The following EPC2 variants were observed in gnomAD, a reference collection of about 807,000 sequenced individuals.
EPC2 encodes the protein enhancer of polycomb 2.
EPC2 carries 14 observed loss-of-function variants against 92.1 expected under a neutral mutation model. The observed-to-expected ratio is 0.15, with a 90% CI of 0.10 to 0.24. The LOEUF (loss-of-function observed/expected upper bound fraction) is 0.24, where lower values mean the gene tolerates loss of function less well. Ranked by LOEUF, EPC2 falls within the 10% of genes least tolerant of loss-of-function variation. EPC2 has a pLI of 1.00. For missense variants in EPC2, 755 were observed against 971.5 expected, an observed-to-expected ratio of 0.78 and a Z score of 2.96; for synonymous variants, 340 against 334.7, an observed-to-expected ratio of 1.02 and a Z score of -0.17.
At chr2:148,746,367 C>T (rs1317144555) in intron 3 of EPC2, among the ~76,000 whole-genome samples, 2 of 151,994 alleles carry the variant, frequency 1.3e-5, no homozygotes, top group Non-Finnish European at 2.9e-5. Flanking sequence ...TAATCCTTAT[C>T]TCTTCAGTAA....
At chr2:148,718,053 A>T (rs1184560388) in intron 2 of EPC2, among the ~76,000 whole-genome samples, 3 of 152,212 alleles carry the variant, frequency 2.0e-5, no homozygotes, top group African/African-American at 7.2e-5. Context: ...ATCAGAAACT[A>T]GGATTGCAAC....
chr2:148,707,916 C>A (rs1004104780), intron 2 of EPC2, among the ~76,000 whole-genome samples: 2 of 151,970 alleles, frequency 1.3e-5, no homozygotes, highest in Admixed American at 6.6e-5. Flanking sequence ...AAATTGACAC[C>A]CTAACATCAC....
chr2:148,751,892 GCAGTGAA>G (rs1254026337), intron 3 of EPC2, among the ~76,000 whole-genome samples: 5 of 152,094 alleles, frequency 3.3e-5, no homozygotes, highest in African/African-American at 1.2e-4. Flanking sequence ...ACAACATACA[GCAGTGAA>G]CTGAAAAATT....
intron 1 of EPC2, among the ~76,000 whole-genome samples, chr2:148,669,424 C>T (rs577905275): frequency 8.5e-4 from 129 of 152,260 alleles, no homozygotes; most frequent in African/African-American, 3.1e-3. Flanking sequence ...CACTTGTAAT[C>T]CCAGCACTTT....
chr2:148,772,854 C>G (rs1683553746), intron 10 of EPC2, among the ~76,000 whole-genome samples: 1 of 152,006 alleles, frequency 6.6e-6, no homozygotes, highest in African/African-American at 2.4e-5. Context: ...AGACAAAGTT[C>G]CAATTTATTT....
chr2:148,774,956 G>T (rs1683598391), intron 10 of EPC2, among the ~76,000 whole-genome samples: 1 of 151,828 alleles, frequency 6.6e-6, no homozygotes, highest in Non-Finnish European at 1.5e-5. Flanking sequence ...AGGCGTGGTG[G>T]TGGGCGCCTG....
intron 2 of EPC2, among the ~76,000 whole-genome samples, chr2:148,712,933 AC>A (rs1358416153): frequency 6.0e-5 from 9 of 151,152 alleles, no homozygotes; most frequent in Admixed American, 5.9e-4. Flanking sequence ...ATGGTGGCTC[AC>A]ACCGGTAATC....
intron 1 of EPC2, among the ~76,000 whole-genome samples, chr2:148,676,119 ATTAC>A (rs1366472380): frequency 1.4e-5 from 2 of 146,834 alleles, no homozygotes; most frequent in Non-Finnish European, 3.0e-5. Context: ...AAAGTCATGA[ATTAC>A]TTAGTTTTTT....
chr2:148,765,197 G>T, intron 7 of EPC2, 51 bp downstream of exon 7: 2 of 1,298,630 alleles, frequency 1.5e-6, no homozygotes, highest in Non-Finnish European at 2.1e-6. Flanking sequence ...ATTTTATATT[G>T]CTATATTTTT....
intron 2 of EPC2, among the ~76,000 whole-genome samples, chr2:148,735,322 CTT>C (rs1682728942): frequency 6.6e-6 from 1 of 151,944 alleles, no homozygotes. Flanking sequence ...TACTGTGAAA[CTT>C]TACAATTTTT....
intron 1 of EPC2, among the ~76,000 whole-genome samples, chr2:148,684,733 G>T (rs991085867): frequency 6.6e-6 from 1 of 152,144 alleles, no homozygotes; most frequent in Admixed American, 6.5e-5. Context: ...ACATACCTGC[G>T]TGAGGTTTTC....
intron 1 of EPC2, among the ~76,000 whole-genome samples, chr2:148,676,115 A>C (rs114430781): frequency 0.012 from 1,843 of 149,544 alleles, 27 homozygotes; most frequent in Non-Finnish European, 0.016. Flanking sequence ...ACTAAAAGTC[A>C]TGAATTACTT....
chr2:148,775,804 G>C (rs1406157640), intron 10 of EPC2, among the ~76,000 whole-genome samples: 107 of 103,786 alleles, frequency 1.0e-3, no homozygotes, highest in African/African-American at 3.8e-3. Context: ...TTGAGATGGA[G>C]TCTCACTCTG....
chr2:148,785,964 G>A (rs1028283012), intron 13 of EPC2, among the ~76,000 whole-genome samples: 1 of 151,638 alleles, frequency 6.6e-6, no homozygotes, highest in Non-Finnish European at 1.5e-5. Context: ...CTTTTTGAGT[G>A]TCATATGCTT....
chr2:148,758,599 T>C (rs1203075275), intron 4 of EPC2, among the ~76,000 whole-genome samples: 1 of 152,112 alleles, frequency 6.6e-6, no homozygotes, highest in African/African-American at 2.4e-5. Context: ...TTTCACTATG[T>C]TGGCCAGGCT....
intron 1 of EPC2, among the ~76,000 whole-genome samples, chr2:148,666,534 A>G (rs1200842800): frequency 6.6e-6 from 1 of 152,248 alleles, no homozygotes; most frequent in Non-Finnish European, 1.5e-5. Flanking sequence ...AAGATATAGA[A>G]AATACAAGTT....
At position 148,761,924 on chromosome 2, in the gene EPC2, A is replaced by C; in HGVS notation, c.809A>C (p.Glu270Ala). The change falls in exon 5 of 14, where the codon GAG becomes GCG. Residue 270 changes from glutamate to alanine, a missense_variant. Physicochemically the swap from Glu to Ala is moderately radical, Grantham distance 107. Coordinates refer to ENST00000258484, the MANE Select transcript of EPC2 (RefSeq NM_015630.4). ...TTGCACTTAACCTTAGAAGTTGTGG[A>C]GAAAAGGTAACATTGCTCCTGTTAC... ...ELLHLTLEVVEKRYHLGDYGG... is the reference protein window; with the variant it reads ...ELLHLTLEVVAKRYHLGDYGG... 1 of 1,584,906 alleles carries C rather than the reference A, an allele frequency of 6.3e-7. No homozygotes were observed. The highest frequency in any genetic ancestry group is 8.5e-7 in the Non-Finnish European group (1 of 1,170,914).
rs1682926486 is a variant in EPC2, at chr2:148,743,671, T to C, written c.363T>C (p.Asp121=). 3 of 1,602,564 alleles carry C rather than the reference T, an allele frequency of 1.9e-6. No homozygotes were observed. The highest frequency in any genetic ancestry group is 2.6e-6 in the Non-Finnish European group (3 of 1,175,226). Residue 121 remains aspartate (D), a synonymous_variant, in exon 3 of 14, where the codon GAT becomes GAC. Coordinates refer to ENST00000258484, the MANE Select transcript of EPC2 (RefSeq NM_015630.4). ...EQPDYDMDSE[D]ETLLNRLNRK... Reference sequence around the variant, plus strand: ...CAGATTATGATATGGATTCAGAAGATGAGACTTTATTAAATAGACTTAACA... The same window carrying C: ...CAGATTATGATATGGATTCAGAAGACGAGACTTTATTAAATAGACTTAACA...
At chr2:148,726,894 G>T (rs1253086949) in intron 2 of EPC2, among the ~76,000 whole-genome samples, 2 of 151,216 alleles carry the variant, frequency 1.3e-5, no homozygotes, top group African/African-American at 2.4e-5. Context: ...TTTGCAGTCT[G>T]TTGATTGTTT....
Sources: allele counts gnomAD v4.1 joint callset (sites outside exome capture counted in the v4.1 genomes callset), GRCh38; gene constraint gnomAD v4.1.1; transcripts MANE v1.5; gene names NCBI Gene and HGNC (gene_info 2026-07-23, HGNC 2026-07-21).